Variants in ENTREP2 observed in about 807,000 individuals in gnomAD.
ENTREP2 encodes the protein endosomal transmembrane epsin interactor 2, also known as protein ENTREP2.
chr15:29,123,214 G>C, the ENTREP2 span: 1 of 1,039,664 alleles, frequency 9.6e-7, no homozygotes, highest in Non-Finnish European at 1.4e-6. Flanking sequence ...ATCATCCTGG[G>C]TGTCCCCCCC....
the ENTREP2 span, among the ~76,000 whole-genome samples, chr15:29,210,638 C>T: frequency 6.6e-6 from 1 of 152,156 alleles, no homozygotes; most frequent in Non-Finnish European, 1.5e-5. Context: ...CCTGGACCCT[C>T]CCCCAGTTCA....
At chr15:29,128,398 C>G in the ENTREP2 span, among the ~76,000 whole-genome samples, 1 of 152,150 alleles carries the variant, frequency 6.6e-6, no homozygotes, top group South Asian at 2.1e-4. Context: ...AGCCCAGCCA[C>G]CTTCTTCAGA....
the ENTREP2 span, among the ~76,000 whole-genome samples, chr15:29,320,704 G>A: frequency 4.7e-4 from 71 of 152,284 alleles, no homozygotes; most frequent in Admixed American, 1.0e-3. Flanking sequence ...CAAAGAAAAT[G>A]CTAGAAATCA....
At chr15:29,260,513 A>G in the ENTREP2 span, among the ~76,000 whole-genome samples, 1 of 152,240 alleles carries the variant, frequency 6.6e-6, no homozygotes, top group African/African-American at 2.4e-5. Flanking sequence ...ACATCAATAC[A>G]TTGAAGAAGA....
the ENTREP2 span, among the ~76,000 whole-genome samples, chr15:29,252,939 A>G: frequency 6.6e-6 from 1 of 152,220 alleles, no homozygotes; most frequent in Non-Finnish European, 1.5e-5. Context: ...CCCAACATCA[A>G]TAATTAATCC....
the ENTREP2 span, among the ~76,000 whole-genome samples, chr15:29,296,165 C>A: frequency 6.6e-6 from 1 of 152,186 alleles, no homozygotes; most frequent in Admixed American, 6.5e-5. Context: ...TGAAAACAAT[C>A]TCTCTCTATG....
chr15:29,436,972 A>G, the ENTREP2 span, among the ~76,000 whole-genome samples: 220 of 152,364 alleles, frequency 1.4e-3, 1 homozygote, highest in Middle Eastern at 6.8e-3. Context: ...CAGAAGGCCC[A>G]AAAAGATCAA....
At chr15:29,383,910 A>C in the ENTREP2 span, among the ~76,000 whole-genome samples, 2 of 152,122 alleles carry the variant, frequency 1.3e-5, no homozygotes, top group Admixed American at 1.3e-4. Flanking sequence ...GACATTATTT[A>C]CAGCCATTTC....
the ENTREP2 span, among the ~76,000 whole-genome samples, chr15:29,652,174 G>A: frequency 6.6e-6 from 1 of 152,184 alleles, no homozygotes; most frequent in South Asian, 2.1e-4. Flanking sequence ...GCAGAGAGGA[G>A]AAACACACTC....
chr15:29,411,225 T>C, the ENTREP2 span, among the ~76,000 whole-genome samples: 5 of 152,242 alleles, frequency 3.3e-5, no homozygotes, highest in South Asian at 1.0e-3. Context: ...TGAGTAGAAC[T>C]GCAGGTCACG....
At chr15:29,494,147 A>C in the ENTREP2 span, among the ~76,000 whole-genome samples, 1 of 152,216 alleles carries the variant, frequency 6.6e-6, no homozygotes, top group Non-Finnish European at 1.5e-5. Flanking sequence ...ATTACATATA[A>C]AATTCAAAAA....
the ENTREP2 span, among the ~76,000 whole-genome samples, chr15:29,472,533 C>T: frequency 1.3e-5 from 2 of 151,898 alleles, no homozygotes; most frequent in Admixed American, 6.6e-5. Context: ...GGCGCAATCT[C>T]GGCTCACTGC....
chr15:29,178,753 G>A, the ENTREP2 span, among the ~76,000 whole-genome samples: 1 of 152,068 alleles, frequency 6.6e-6, no homozygotes, highest in Non-Finnish European at 1.5e-5. Flanking sequence ...AGTTGCAAGA[G>A]TCTTTTTGAA....
At chr15:29,182,492 T>C in the ENTREP2 span, among the ~76,000 whole-genome samples, 1 of 152,168 alleles carries the variant, frequency 6.6e-6, no homozygotes, top group Non-Finnish European at 1.5e-5. Flanking sequence ...TAGGAATATA[T>C]ATTTAACGTA....
the ENTREP2 span, among the ~76,000 whole-genome samples, chr15:29,137,397 C>T: frequency 6.6e-6 from 1 of 152,150 alleles, no homozygotes; most frequent in Admixed American, 6.5e-5. Context: ...GCTTTGTTGC[C>T]CACGCTGTTA....
At chr15:29,627,534 T>G in the ENTREP2 span, among the ~76,000 whole-genome samples, 2 of 127,604 alleles carry the variant, frequency 1.6e-5, no homozygotes, top group Admixed American at 7.8e-5. Flanking sequence ...AGAGCAAGAC[T>G]CCATCTAAAA....
chr15:29,145,258 CA>C, the ENTREP2 span, among the ~76,000 whole-genome samples: 1 of 152,056 alleles, frequency 6.6e-6, no homozygotes, highest in African/African-American at 2.4e-5. Context: ...GAACAGAGGA[CA>C]AAAACCCTAT....
At chr15:29,209,334 T>G in the ENTREP2 span, among the ~76,000 whole-genome samples, 1 of 152,088 alleles carries the variant, frequency 6.6e-6, no homozygotes, top group Non-Finnish European at 1.5e-5. Flanking sequence ...AAACCCCGTC[T>G]CTACTAAAAA....
chr15:29,585,975 C>G, the ENTREP2 span, among the ~76,000 whole-genome samples: 1 of 151,764 alleles, frequency 6.6e-6, no homozygotes, highest in Non-Finnish European at 1.5e-5. Flanking sequence ...AGGTATATAC[C>G]CAAGAGAACT....
Sources: allele counts gnomAD v4.1 joint callset (sites outside exome capture counted in the v4.1 genomes callset), GRCh38; gene constraint gnomAD v4.1.1; transcripts MANE v1.5; gene names NCBI Gene and HGNC (gene_info 2026-07-23, HGNC 2026-07-21).